The following MYOCD variants were observed in gnomAD, a reference collection of about 807,000 sequenced individuals.
MYOCD encodes myocardin.
A neutral mutation model predicts 96.1 loss-of-function variants in MYOCD; 32 were observed. That is an observed-to-expected ratio of 0.33 (90% confidence interval 0.25 to 0.45). The LOEUF (loss-of-function observed/expected upper bound fraction) is 0.45. Among genes scored for constraint, MYOCD ranks in the 20% least tolerant of loss-of-function variants. MYOCD has a pLI of 1.00. For synonymous variants in MYOCD, 469 were observed against 469.0 expected (o/e 1.00, Z 0.00); for missense variants, 1,133 against 1,200.6 (o/e 0.94, Z 0.83).
At chr17:12,677,851 T>A in intron 1 of MYOCD, among the ~76,000 whole-genome samples, 1 of 151,954 alleles carries the variant, frequency 6.6e-6, no homozygotes, top group South Asian at 2.1e-4. Flanking sequence ...CATGAATTTC[T>A]CTTAAGATTC....
intron 5 of MYOCD, among the ~76,000 whole-genome samples, chr17:12,730,265 G>A (rs2032130411): frequency 6.6e-6 from 1 of 151,802 alleles, no homozygotes; most frequent in South Asian, 2.1e-4. Flanking sequence ...CCTGACCAAC[G>A]TGGAGAAACC....
At position 12,766,163 on chromosome 17, in the gene MYOCD, T is replaced by A. The variant is rs1366093075; in HGVS notation, c.*2519T>A. The A allele has an allele frequency of 6.6e-6, 1 of 152,204 alleles. No individual in the cohort carries two copies. The highest frequency in any genetic ancestry group is 1.9e-4 in the East Asian group (1 of 5,196). 9.4% of individuals were successfully genotyped at this position (152,204 alleles called of 1,614,324 possible). On this transcript the variant is annotated 3_prime_UTR_variant, in exon 14 of 14. Coordinates refer to ENST00000425538, the MANE Select transcript of MYOCD (RefSeq NM_001146312.3). The stretch of plus-strand genomic sequence containing the variant: ...CACGTTTTGCTGTTTGTATGTTTTT[T>A]CTTCCCCTTACTTCCTTTGGAAAAC...
At chr17:12,755,827 G>A (rs756151872) in intron 10 of MYOCD, among the ~76,000 whole-genome samples, 3 of 152,110 alleles carry the variant, frequency 2.0e-5, no homozygotes, top group Non-Finnish European at 2.9e-5. Context: ...AGCCGAGATC[G>A]CACCACTGCA....
At position 12,763,694 on chromosome 17, in the gene MYOCD, A is replaced by G; in HGVS notation, c.*50A>G. 6.7e-7 allele frequency: 1 copy of G among 1,481,726 alleles called. No individual in the cohort carries two copies. The highest frequency in any genetic ancestry group is 9.2e-7 in the Non-Finnish European group (1 of 1,081,456). The allele number at this position is 1,481,726 out of a possible 1,614,324, so 91.8% of individuals were successfully genotyped here. On this transcript the variant is annotated 3_prime_UTR_variant, in exon 14 of 14. Transcript: ENST00000425538. ...GAAGACCAATGGAGTTCCATGGGGG[A>G]AAGCACACAGCCATACATACTTTAC...
chr17:12,695,725 T>G (rs954023949), intron 1 of MYOCD, among the ~76,000 whole-genome samples: 3 of 152,184 alleles, frequency 2.0e-5, no homozygotes, highest in African/African-American at 7.2e-5. Context: ...ACATAAAATG[T>G]ACCCTATTAA....
At chr17:12,752,107 G>A (rs2032868254) in intron 9 of MYOCD, among the ~76,000 whole-genome samples, 1 of 152,178 alleles carries the variant, frequency 6.6e-6, no homozygotes, top group African/African-American at 2.4e-5. Flanking sequence ...TCTATAAAAT[G>A]GGGACACAGA....
intron 9 of MYOCD, among the ~76,000 whole-genome samples, chr17:12,748,345 C>CA (rs1478236991): frequency 6.6e-6 from 1 of 151,730 alleles, no homozygotes; most frequent in Non-Finnish European, 1.5e-5. Flanking sequence ...AGATAGAGAC[C>CA]AAATTATTTG....
At chr17:12,733,714 A>C (rs1463827093) in intron 5 of MYOCD, among the ~76,000 whole-genome samples, 1 of 152,086 alleles carries the variant, frequency 6.6e-6, no homozygotes, top group African/African-American at 2.4e-5. Flanking sequence ...CAAAAATACA[A>C]AAATTAGCTG....
chr17:12,679,385 C>T (rs945108407), intron 1 of MYOCD, among the ~76,000 whole-genome samples: 1 of 152,086 alleles, frequency 6.6e-6, no homozygotes, highest in African/African-American at 2.4e-5. Context: ...ATGCAGCCTT[C>T]ACAAAGGATT....
chr17:12,737,330 CA>C (rs760581245), intron 6 of MYOCD, among the ~76,000 whole-genome samples: 2 of 152,102 alleles, frequency 1.3e-5, no homozygotes, highest in Admixed American at 6.6e-5. Context: ...CACTCTGGGC[CA>C]GGGGCAGTGC....
intron 1 of MYOCD, among the ~76,000 whole-genome samples, chr17:12,669,045 T>C (rs1909530004): frequency 6.6e-6 from 1 of 152,244 alleles, no homozygotes; most frequent in African/African-American, 2.4e-5. Context: ...GTGATTGTGC[T>C]GTGTGGCAAT....
chr17:12,713,375 A>T (rs942097020), intron 2 of MYOCD, among the ~76,000 whole-genome samples: 1 of 152,238 alleles, frequency 6.6e-6, no homozygotes, highest in Non-Finnish European at 1.5e-5. Flanking sequence ...CCTCAGAGAC[A>T]TGAGAACCCA....
At position 12,746,149 on chromosome 17, in the gene MYOCD, T is replaced by C. The variant is rs561029570; in HGVS notation, c.1125+77T>C. ...TGTTGTTAACATCACCAGGACCAAC[T>C]GATATCTGGAGTAAGAGAGTGGGAG... On this transcript the variant is annotated intron_variant, in intron 9 of 13. Coordinates refer to ENST00000425538, the MANE Select transcript of MYOCD (RefSeq NM_001146312.3). 153 of 1,465,268 alleles carry C rather than the reference T, an allele frequency of 1.0e-4. 2 individuals carry two copies. Among genetic ancestry groups the C allele is most frequent in the South Asian group, 8.8e-4 (71 of 80,790 alleles). 90.8% of individuals were successfully genotyped at this position (1,465,268 alleles called of 1,614,324 possible).
Position 12,763,667 on chromosome 17 carries a change from T to C in MYOCD, c.*23T>C. The C allele has an allele frequency of 1.9e-6, 3 of 1,581,390 alleles. No homozygotes were observed. Among genetic ancestry groups the C allele is most frequent in the Non-Finnish European group, 2.6e-6 (3 of 1,161,092 alleles). On this transcript the variant is annotated 3_prime_UTR_variant, in exon 14 of 14. Coordinates refer to ENST00000425538, the MANE Select transcript of MYOCD (RefSeq NM_001146312.3). Reference sequence around the variant, plus strand: ...TAGAATGCCCAATGCACCAGTGCTATGGAAGACCAATGGAGTTCCATGGGG... The same window carrying C: ...TAGAATGCCCAATGCACCAGTGCTACGGAAGACCAATGGAGTTCCATGGGG...
intron 2 of MYOCD, among the ~76,000 whole-genome samples, chr17:12,709,469 A>C (rs1483704886): frequency 6.6e-6 from 1 of 152,224 alleles, no homozygotes; most frequent in Non-Finnish European, 1.5e-5. Flanking sequence ...GCCAGCACAG[A>C]ATCACTGGAA....
chr17:12,675,125 T>C (rs966214861), intron 1 of MYOCD, among the ~76,000 whole-genome samples: 5 of 152,162 alleles, frequency 3.3e-5, no homozygotes, highest in Admixed American at 6.5e-5. Context: ...AAATAATCAG[T>C]CAGCATATGA....
At chr17:12,743,562 G>A (rs557985745) in intron 7 of MYOCD, among the ~76,000 whole-genome samples, 7 of 142,786 alleles carry the variant, frequency 4.9e-5, no homozygotes, top group Admixed American at 1.5e-4. Context: ...GCGTGATCTC[G>A]GCTCACTGCA....
intron 1 of MYOCD, among the ~76,000 whole-genome samples, chr17:12,674,196 C>T (rs896957435): frequency 2.0e-5 from 3 of 152,174 alleles, no homozygotes; most frequent in African/African-American, 7.2e-5. Flanking sequence ...ATTTGTTCCA[C>T]TGTCCCATGA....
intron 9 of MYOCD, among the ~76,000 whole-genome samples, chr17:12,749,634 CGTGTGT>C (rs2032775299): frequency 7.0e-6 from 1 of 142,952 alleles, no homozygotes; most frequent in Non-Finnish European, 1.5e-5. Context: ...CCTATATATA[CGTGTGT>C]ATATATACAC....
Sources: gnomAD v4.1 joint callset for allele counts (sites outside exome capture counted in the v4.1 genomes callset) on GRCh38, gnomAD v4.1.1 for gene constraint, MANE v1.5 for transcripts, NCBI Gene and HGNC (gene_info 2026-07-23, HGNC 2026-07-21) for gene names.